Variants in GRM3 observed in about 807,000 individuals in gnomAD.
The protein encoded by GRM3 is metabotropic glutamate receptor 3.
In GRM3, 26 loss-of-function variants were observed where a neutral mutation model predicts 70.5. That is an observed-to-expected ratio of 0.37 (90% CI 0.27 to 0.51). The LOEUF is 0.51. Ranked by LOEUF, GRM3 falls within the 20% of genes least tolerant of loss-of-function variation. GRM3 has a pLI of 0.93. For synonymous variants in GRM3, 443 were observed against 434.9 expected (o/e 1.02, Z -0.23); for missense variants, 859 against 1,123.8 (o/e 0.76, Z 3.37).
chr7:86,739,915 T>C (rs1795948148), intron 1 of GRM3, among the ~76,000 whole-genome samples: 1 of 152,192 alleles, frequency 6.6e-6, no homozygotes, highest in South Asian at 2.1e-4. Flanking sequence ...TTTCCTCATC[T>C]CTAAAATGTA....
chr7:86,779,300 G>A (rs1796979218), intron 2 of GRM3, among the ~76,000 whole-genome samples: 1 of 152,100 alleles, frequency 6.6e-6, no homozygotes. Flanking sequence ...ATAAAAAAAT[G>A]AATATGACTA....
At chr7:86,763,241 T>C (rs1299007230) in intron 1 of GRM3, among the ~76,000 whole-genome samples, 2 of 152,064 alleles carry the variant, frequency 1.3e-5, no homozygotes, top group Non-Finnish European at 2.9e-5. Flanking sequence ...CAATCATGTG[T>C]GAAGGTTGAA....
chr7:86,801,867 C>T (rs80043027), intron 3 of GRM3, among the ~76,000 whole-genome samples: 2 of 151,924 alleles, frequency 1.3e-5, no homozygotes, highest in Admixed American at 6.6e-5. Flanking sequence ...AAATTGGAAC[C>T]GTAAAGTGTT....
At chr7:86,720,256 A>T (rs1316283430) in intron 1 of GRM3, among the ~76,000 whole-genome samples, 1 of 152,004 alleles carries the variant, frequency 6.6e-6, no homozygotes, top group Non-Finnish European at 1.5e-5. Flanking sequence ...TTCAATGAGA[A>T]TCTGGCAGGA....
chr7:86,804,402 T>C (rs2116633497), intron 3 of GRM3, among the ~76,000 whole-genome samples: 1 of 152,242 alleles, frequency 6.6e-6, no homozygotes, highest in Non-Finnish European at 1.5e-5. Flanking sequence ...AATTATCAGA[T>C]ATGGTATTTT....
intron 1 of GRM3, among the ~76,000 whole-genome samples, chr7:86,750,865 A>C (rs543523022): frequency 3.5e-4 from 53 of 152,208 alleles, no homozygotes; most frequent in African/African-American, 1.3e-3. Flanking sequence ...GAGTACAGAG[A>C]AAAGAATGTA....
intron 1 of GRM3, among the ~76,000 whole-genome samples, chr7:86,645,661 C>T (rs1266354016): frequency 3.9e-5 from 6 of 152,028 alleles, no homozygotes; most frequent in Non-Finnish European, 8.8e-5. Flanking sequence ...TAAGGTACAA[C>T]ACTTTTAGGT....
At chr7:86,802,598 GAA>G (rs111893340) in intron 3 of GRM3, among the ~76,000 whole-genome samples, 8,051 of 135,634 alleles carry the variant, frequency 0.059, 682 homozygotes, top group African/African-American at 0.2. Context: ...ATAGTAAATT[GAA>G]AAAAAAAAAA....
At chr7:86,680,957 A>ATCTCTCTTCCTAC (rs749485941) in intron 1 of GRM3, among the ~76,000 whole-genome samples, 3 of 152,056 alleles carry the variant, frequency 2.0e-5, no homozygotes, top group Non-Finnish European at 4.4e-5. Flanking sequence ...TCCAGCTAGG[A>ATCTCTCTTCCTAC]TCTCTCTTCC....
chr7:86,802,657 A>G (rs939326641), intron 3 of GRM3, among the ~76,000 whole-genome samples: 1 of 152,050 alleles, frequency 6.6e-6, no homozygotes, highest in African/African-American at 2.4e-5. Flanking sequence ...GTTGAAGACT[A>G]CATTTCTCTT....
intron 3 of GRM3, among the ~76,000 whole-genome samples, chr7:86,791,108 T>C (rs1440065656): frequency 6.6e-6 from 1 of 152,224 alleles, no homozygotes; most frequent in Admixed American, 6.5e-5. Context: ...GAATAGCAGT[T>C]AACCCAAACT....
intron 2 of GRM3, among the ~76,000 whole-genome samples, chr7:86,770,054 T>C (rs987804337): frequency 6.6e-6 from 1 of 152,176 alleles, no homozygotes; most frequent in Admixed American, 6.6e-5. Flanking sequence ...TTTGAAACAA[T>C]GATAATGCTT....
At chr7:86,697,181 A>T (rs2116068060) in intron 1 of GRM3, among the ~76,000 whole-genome samples, 1 of 152,236 alleles carries the variant, frequency 6.6e-6, no homozygotes, top group East Asian at 1.9e-4. Flanking sequence ...AATCTTTGAA[A>T]CCACATACCC....
At chr7:86,738,592 C>T (rs1040463424) in intron 1 of GRM3, among the ~76,000 whole-genome samples, 57 of 152,158 alleles carry the variant, frequency 3.7e-4, no homozygotes, top group African/African-American at 1.3e-3. Flanking sequence ...AGTTAAATGA[C>T]ATGCCAAAGA....
At chr7:86,678,435 C>A in intron 1 of GRM3, among the ~76,000 whole-genome samples, 1 of 152,108 alleles carries the variant, frequency 6.6e-6, no homozygotes, top group East Asian at 1.9e-4. Flanking sequence ...GTTACGTTAA[C>A]GCCGCCTCTC....
Position 86,759,901 on chromosome 7 carries a change from A to G in GRM3, c.-140-5105A>G, listed in dbSNP as rs113261593. 4.6e-5 allele frequency among the ~76,000 whole-genome samples: 7 copies of G among 152,310 alleles called. 1 individual carries two copies. Among genetic ancestry groups the G allele is most frequent in the African/African-American group, 1.7e-4 (7 of 41,574 alleles). On this transcript the variant is annotated intron_variant, in intron 1 of 5. Coordinates refer to ENST00000361669, the MANE Select transcript of GRM3 (RefSeq NM_000840.3). The stretch of plus-strand genomic sequence containing the variant: ...TGGCATATCTCCTATTAAAAATGCC[A>G]ATATAGCTACAGCGTCTGTTTGTTT...
chr7:86,777,426 A>G (rs998563430), intron 2 of GRM3, among the ~76,000 whole-genome samples: 2 of 152,156 alleles, frequency 1.3e-5, no homozygotes, highest in Non-Finnish European at 2.9e-5. Context: ...TGGAATGTCC[A>G]TGTGAAATCA....
chr7:86,840,749 A>G (rs1798543380), intron 4 of GRM3, among the ~76,000 whole-genome samples: 1 of 152,076 alleles, frequency 6.6e-6, no homozygotes, highest in South Asian at 2.1e-4. Flanking sequence ...TGTTTCTTAA[A>G]TTGTCAGAGA....
rs1331153844 is a variant in GRM3, at chr7:86,786,537, C to T, written c.745C>T (p.Arg249Cys). ...CATCGCTACGGCGGAGAAGGTGGGC[C>T]GCTCCAACATCCGCAAGTCCTACGA... ...ICIATAEKVG[R>C]SNIRKSYDSV... The change falls in exon 3 of 6, where the codon CGC becomes TGC. Residue 249 changes from arginine (R) to cysteine (C), a missense_variant. Arg to Cys is a radical substitution (Grantham distance 180). Coordinates refer to ENST00000361669, the MANE Select transcript of GRM3 (RefSeq NM_000840.3). This position sits in a 1 kb window ranked among gnomAD's most constrained non-coding sequence, Gnocchi z 6.0. The T allele has an allele frequency of 8.7e-6, 14 of 1,614,062 alleles. No individual in the cohort carries two copies. The highest frequency in any genetic ancestry group is 1.2e-5 in the Non-Finnish European group (14 of 1,180,044).
Sources: gnomAD v4.1 joint callset for allele counts (sites outside exome capture counted in the v4.1 genomes callset) on GRCh38, gnomAD v4.1.1 for gene constraint, Gnocchi (gnomAD v3.1) non-coding constraint, MANE v1.5 for transcripts, NCBI Gene and HGNC (gene_info 2026-07-23, HGNC 2026-07-21) for gene names.